ANTXR2: variants seen among roughly 807,000 people sequenced by gnomAD.
ANTXR2 encodes ANTXR cell adhesion molecule 2.
A neutral mutation model predicts 73.7 loss-of-function variants in ANTXR2; 44 were observed. That is an observed-to-expected ratio of 0.60 (90% CI 0.47 to 0.77). ANTXR2 has a LOEUF of 0.77. Ranked by LOEUF, ANTXR2 falls within the 30% of genes least tolerant of loss-of-function variation. The pLI is 0.00. For missense variants in ANTXR2, 604 were observed against 592.5 expected (o/e 1.02, Z -0.20); for synonymous variants, 217 against 205.9 (o/e 1.05, Z -0.46).
intron 11 of ANTXR2, among the ~76,000 whole-genome samples, chr4:80,011,954 C>A (rs919076827): frequency 1.1e-4 from 17 of 152,108 alleles, no homozygotes; most frequent in Non-Finnish European, 2.1e-4. Context: ...CTTTATTCTG[C>A]CAAATATAAC....
intron 16 of ANTXR2, among the ~76,000 whole-genome samples, chr4:79,972,924 A>AAAAAAAAAAAAAAAAAG (rs1729476741): frequency 1.8e-4 from 3 of 16,994 alleles, no homozygotes; most frequent in African/African-American, 2.8e-4. Flanking sequence ...GTATAATAAA[A>AAAAAAAAAAAAAAAAAG]AAAAAAAAAA....
intron 7 of ANTXR2, among the ~76,000 whole-genome samples, chr4:80,045,457 G>A (rs1578182125): frequency 1.3e-5 from 2 of 151,484 alleles, no homozygotes; most frequent in South Asian, 4.2e-4. Context: ...ACTGGCAACC[G>A]ATCATCACAA....
intron 7 of ANTXR2, among the ~76,000 whole-genome samples, chr4:80,042,733 T>C (rs1319875774): frequency 6.6e-6 from 1 of 152,004 alleles, no homozygotes; most frequent in African/African-American, 2.4e-5. Flanking sequence ...ATTCAGGCAG[T>C]CTAACAATTT....
chr4:80,006,506 A>G (rs1731307819), intron 12 of ANTXR2, among the ~76,000 whole-genome samples: 1 of 152,094 alleles, frequency 6.6e-6, no homozygotes, highest in African/African-American at 2.4e-5. Flanking sequence ...AAATAAAGGA[A>G]GTTTCCTCTA....
chr4:80,001,258 T>C (rs1731018815), intron 12 of ANTXR2, among the ~76,000 whole-genome samples: 1 of 151,448 alleles, frequency 6.6e-6, no homozygotes, highest in Admixed American at 6.6e-5. Flanking sequence ...GCTGGTGCGC[T>C]GCACCCACTA....
At chr4:79,983,544 T>C (rs572112186) in intron 14 of ANTXR2, among the ~76,000 whole-genome samples, 4 of 152,272 alleles carry the variant, frequency 2.6e-5, no homozygotes, top group African/African-American at 7.2e-5. Flanking sequence ...AAGAAGAACA[T>C]TGTTGCAACT....
At chr4:80,007,835 C>G (rs532706080) in intron 12 of ANTXR2, among the ~76,000 whole-genome samples, 3 of 152,146 alleles carry the variant, frequency 2.0e-5, no homozygotes, top group Admixed American at 1.3e-4. Context: ...TTTTAGTCCA[C>G]GTAAACCCAG....
rs200536829 is a variant in ANTXR2, at chr4:80,072,464, C to A, written c.97G>T (p.Ala33Ser). 1.1e-4 allele frequency: 170 copies of A among 1,609,516 alleles called. No homozygotes were observed. Among genetic ancestry groups the A allele is most frequent in the Non-Finnish European group, 1.1e-4 (130 of 1,178,194 alleles). Residue 33 changes from alanine to serine, a missense_variant, in exon 1 of 17, where the codon GCC (alanine) becomes TCC (serine). Ala to Ser is a moderately conservative substitution (Grantham distance 99, BLOSUM62 1). Transcript: ENST00000403729. ...VLSGPGGLLRAQEQPSCRRAF... is the reference protein window; with the variant it reads ...VLSGPGGLLRSQEQPSCRRAF... ...CTTCTGCAGGAGGGCTGCTCCTGGG[C>A]GCGCAGCAGCCCCCCGGGACCGCTG... is the stretch of plus-strand genomic sequence containing the variant.
chr4:80,000,984 C>T (rs948930741), intron 12 of ANTXR2, among the ~76,000 whole-genome samples: 3 of 152,118 alleles, frequency 2.0e-5, no homozygotes, highest in Admixed American at 1.3e-4. Context: ...AACATATATG[C>T]GTGAGGCACT....
intron 7 of ANTXR2, among the ~76,000 whole-genome samples, chr4:80,049,069 A>AAG (rs1733651734): frequency 1.3e-5 from 2 of 151,702 alleles, no homozygotes; most frequent in Non-Finnish European, 2.9e-5. Flanking sequence ...GGTTATTTAT[A>AAG]AAACATGCTT....
chr4:80,024,116 T>C (rs541919553), intron 10 of ANTXR2, among the ~76,000 whole-genome samples: 1 of 152,140 alleles, frequency 6.6e-6, no homozygotes, highest in African/African-American at 2.4e-5. Context: ...TGAGACATAT[T>C]AGGAGTTAGA....
chr4:79,947,600 T>C (rs1728563730), intron 16 of ANTXR2, among the ~76,000 whole-genome samples: 2 of 152,152 alleles, frequency 1.3e-5, no homozygotes, highest in South Asian at 4.1e-4. Context: ...AAATCTTTAG[T>C]GTCTTCTCCT....
chr4:80,055,482 T>A lies in ANTXR2; in HGVS notation c.379-15A>T, dbSNP rs1285877029. The A allele has an allele frequency of 3.8e-6, 6 of 1,583,150 alleles. No individual in the cohort carries two copies. In the Admixed American group the frequency reaches 1.0e-4, roughly 27 times the overall value. ...TGTTCATTCGCCTGAAAATGAAGAA[T>A]AATTATCCAACTCACAATTTAATTT... On this transcript the variant is annotated splice_polypyrimidine_tract_variant and intron_variant, in intron 4 of 16. Coordinates refer to ENST00000403729, the MANE Select transcript of ANTXR2 (RefSeq NM_058172.6).
intron 16 of ANTXR2, among the ~76,000 whole-genome samples, chr4:79,948,156 A>C (rs1696437910): frequency 6.6e-6 from 1 of 152,132 alleles, no homozygotes; most frequent in African/African-American, 2.4e-5. Context: ...TTATATATTA[A>C]AAACTAACTT....
At chr4:79,961,713 T>G (rs1221302872) in intron 16 of ANTXR2, among the ~76,000 whole-genome samples, 1 of 152,168 alleles carries the variant, frequency 6.6e-6, no homozygotes, top group Admixed American at 6.5e-5. Context: ...GTGTTGGGAT[T>G]GCAGGTGTGA....
At chr4:80,033,428 G>T in intron 9 of ANTXR2, 44 bp downstream of exon 9, 1 of 1,427,332 alleles carries the variant, frequency 7.0e-7, no homozygotes, top group East Asian at 2.4e-5. Flanking sequence ...ATGCTGATGT[G>T]CTTTGCAGAG....
intron 14 of ANTXR2, among the ~76,000 whole-genome samples, chr4:79,983,067 G>A (rs1729958590): frequency 6.6e-6 from 1 of 152,010 alleles, no homozygotes; most frequent in Non-Finnish European, 1.5e-5. Flanking sequence ...TGCAACAATG[G>A]TAAAATGCAT....
At chr4:79,957,880 T>C (rs1212799222) in intron 16 of ANTXR2, among the ~76,000 whole-genome samples, 1 of 152,030 alleles carries the variant, frequency 6.6e-6, no homozygotes, top group East Asian at 1.9e-4. Context: ...AAACAAAATT[T>C]TAAGAAAAGA....
intron 16 of ANTXR2, among the ~76,000 whole-genome samples, chr4:79,925,770 T>C (rs1031265905): frequency 6.6e-6 from 1 of 152,146 alleles, no homozygotes; most frequent in African/African-American, 2.4e-5. Context: ...ACTATCAGTG[T>C]AACAATGTTC....
Sources: gnomAD v4.1 joint callset for allele counts (sites outside exome capture counted in the v4.1 genomes callset) on GRCh38, gnomAD v4.1.1 for gene constraint, MANE v1.5 for transcripts, NCBI Gene and HGNC (gene_info 2026-07-23, HGNC 2026-07-21) for gene names.